The following USP30 variants were observed in gnomAD, a reference collection of about 807,000 sequenced individuals.
USP30 encodes ubiquitin specific peptidase 30.
A neutral mutation model predicts 68.2 loss-of-function variants in USP30; 41 were observed. That is an observed-to-expected ratio of 0.60 (90% CI 0.47 to 0.78). The LOEUF (loss-of-function observed/expected upper bound fraction) is 0.78, where lower values mean the gene tolerates loss of function less well. Ranked by LOEUF, USP30 falls within the 30% of genes least tolerant of loss-of-function variation. The probability of loss-of-function intolerance (pLI) is 0.00; values close to 1 mark genes in which losing one functional copy is unlikely to be tolerated. For missense variants in USP30, 522 were observed against 649.4 expected, an observed-to-expected ratio of 0.80 and a Z score of 2.13; for synonymous variants, 229 against 253.7, an observed-to-expected ratio of 0.90 and a Z score of 0.93.
chr12:109,055,398 A>ATTTT (rs1414168662), intron 1 of USP30, among the ~76,000 whole-genome samples: 8 of 30,354 alleles, frequency 2.6e-4, no homozygotes, highest in East Asian at 3.7e-3. Context: ...ATATATATAT[A>ATTTT]TATTTTTTTT....
At chr12:109,064,528 C>T (rs1454317763) in intron 3 of USP30, among the ~76,000 whole-genome samples, 5 of 152,032 alleles carry the variant, frequency 3.3e-5, no homozygotes, top group African/African-American at 1.2e-4. Context: ...TGATTAACCA[C>T]CTCGGCCTCC....
chr12:109,044,406 G>A (rs1393705800), intron 3 of USP30, among the ~76,000 whole-genome samples: 2 of 152,188 alleles, frequency 1.3e-5, no homozygotes, highest in Non-Finnish European at 2.9e-5. Context: ...GGGAGGCTGA[G>A]GTGGGAGGAT....
At chr12:109,054,209 T>C (rs2040767787) in intron 1 of USP30, among the ~76,000 whole-genome samples, 1 of 152,140 alleles carries the variant, frequency 6.6e-6, no homozygotes. Context: ...CACAGTGATG[T>C]ATTAAGAAAC....
At chr12:109,067,667 T>C in intron 4 of USP30, 40 bp downstream of exon 4, 1 of 1,576,224 alleles carries the variant, frequency 6.3e-7, no homozygotes, top group South Asian at 1.1e-5. Context: ...TGGAGAATCC[T>C]TTCCCCTAGT....
intron 1 of USP30, among the ~76,000 whole-genome samples, chr12:109,055,400 A>ATATATATATATATATATATTTTTTTT (rs1298811530): frequency 4.1e-5 from 1 of 24,468 alleles, no homozygotes; most frequent in Non-Finnish European, 8.7e-5. Flanking sequence ...ATATATATAT[A>ATATATATATATATATATATTTTTTTT]TTTTTTTTTT....
intron 3 of USP30, among the ~76,000 whole-genome samples, chr12:109,028,925 A>C (rs1430422806): frequency 1.3e-5 from 2 of 152,220 alleles, no homozygotes; most frequent in Non-Finnish European, 2.9e-5. Flanking sequence ...TTTTAACATG[A>C]GATCTGGAGG....
At chr12:109,052,414 C>A (rs1326835830), upstream of USP30, 1 of 360,260 alleles carries the variant, frequency 2.8e-6, no homozygotes, top group African/African-American at 2.1e-5. Flanking sequence ...AACCAAGCAG[C>A]CCCAGGCAAC....
chr12:109,085,982 G>A lies in USP30; in HGVS notation c.*51G>A, dbSNP rs1566110713. 7 of 1,572,084 alleles carry A rather than the reference G, an allele frequency of 4.5e-6. No individual in the cohort carries two copies. The highest frequency in any genetic ancestry group is 6.1e-6 in the Non-Finnish European group (7 of 1,156,960). ...TGATGGCACTGTCTGCACTGTCCAG[G>A]AAAAAAGTAAAACTGTACTGTTGCG... On this transcript the variant is annotated 3_prime_UTR_variant, in exon 13 of 13. Coordinates refer to ENST00000257548, the MANE Select transcript of USP30 (RefSeq NM_032663.5).
At chr12:109,072,213 GTAGAAACTTGTAAGGTT>G (rs773144773) in intron 5 of USP30, 75 bp from the exon 6 acceptor site, 4 of 1,133,754 alleles carry the variant, frequency 3.5e-6, no homozygotes, top group Non-Finnish European at 3.9e-6. Flanking sequence ...TGTAATCAAC[GTAGAAACTTGTAAGGTT>G]TAGGGGTGGG....
intron 4 of USP30, among the ~76,000 whole-genome samples, chr12:109,069,471 T>C (rs2041362049): frequency 6.6e-6 from 1 of 152,254 alleles, no homozygotes; most frequent in Non-Finnish European, 1.5e-5. Context: ...CCTTGCCTTA[T>C]TTATCTTTGA....
At chr12:109,045,046 C>T (rs2040593028) in intron 3 of USP30, among the ~76,000 whole-genome samples, 1 of 130,052 alleles carries the variant, frequency 7.7e-6, no homozygotes, top group South Asian at 2.5e-4. Flanking sequence ...GGCGCAATCT[C>T]TGCTCACTGC....
intron 3 of USP30, among the ~76,000 whole-genome samples, chr12:109,065,592 A>G (rs2041222286): frequency 6.6e-6 from 1 of 152,188 alleles, no homozygotes; most frequent in South Asian, 2.1e-4. Context: ...TTTCCATACA[A>G]TGGCTAACAT....
At chr12:109,050,633 A>T (rs2040651864), upstream of USP30, among the ~76,000 whole-genome samples, 1 of 152,164 alleles carries the variant, frequency 6.6e-6, no homozygotes, top group African/African-American at 2.4e-5. Context: ...GCTGTCCAAT[A>T]CGGTAGCTGC....
chr12:109,045,190 G>A (rs1022262974), intron 3 of USP30, among the ~76,000 whole-genome samples: 1 of 152,058 alleles, frequency 6.6e-6, no homozygotes, highest in Admixed American at 6.5e-5. Context: ...TGTTGGCCAG[G>A]CTGGTCTTGA....
At chr12:109,033,859 A>G (rs1225256419) in intron 3 of USP30, among the ~76,000 whole-genome samples, 1 of 152,208 alleles carries the variant, frequency 6.6e-6, no homozygotes, top group African/African-American at 2.4e-5. Flanking sequence ...CCTGGGTCAC[A>G]TAGCTCATCC....
intron 1 of USP30, chr12:109,054,119 G>T (rs2040764132): frequency 2.2e-6 from 1 of 454,194 alleles, no homozygotes; most frequent in Non-Finnish European, 4.4e-6. Context: ...TTAAAGCACT[G>T]GTAAAGCACC....
rs1289556070 is a variant in USP30, at chr12:109,086,388, T to A, written c.*457T>A. ...GCAACAATTTAGAAGAAAAAGTGCC[T>A]TTCACTTTCGATTGCTTTTGTAGCA... On this transcript the variant is annotated 3_prime_UTR_variant, in exon 13 of 13. Transcript: ENST00000257548. The A allele has an allele frequency of 6.3e-6, 1 of 157,572 alleles. No individual in the cohort carries two copies. The highest frequency in any genetic ancestry group is 6.1e-5 in the Admixed American group (1 of 16,326). The allele number at this position is 157,572 out of a possible 1,614,324, so 9.8% of individuals were successfully genotyped here.
chr12:109,038,637 A>T (rs2040539562), intron 3 of USP30, among the ~76,000 whole-genome samples: 1 of 152,182 alleles, frequency 6.6e-6, no homozygotes, highest in Non-Finnish European at 1.5e-5. Context: ...AAATACCTAG[A>T]AGAGGAATGG....
chr12:109,053,519 C>G (rs74870168), intron 1 of USP30, among the ~76,000 whole-genome samples: 1 of 152,180 alleles, frequency 6.6e-6, no homozygotes, highest in African/African-American at 2.4e-5. Flanking sequence ...CTGAGTACCC[C>G]CTCCCCCACT....
Sources: allele counts gnomAD v4.1 joint callset (sites outside exome capture counted in the v4.1 genomes callset), GRCh38; gene constraint gnomAD v4.1.1; transcripts MANE v1.5; gene names NCBI Gene and HGNC (gene_info 2026-07-23, HGNC 2026-07-21).